The following RARA variants were observed in gnomAD, a reference collection of about 807,000 sequenced individuals.
The protein encoded by RARA is PML-DDX5-RARA fusion.
Under a neutral mutation model 42.8 loss-of-function variants are expected in RARA, and 5 were observed. The observed-to-expected ratio is 0.12, with a 90% CI of 0.06 to 0.25. RARA has a LOEUF of 0.25. Among genes scored for constraint, RARA ranks in the 10% least tolerant of loss-of-function variants. The probability of loss-of-function intolerance (pLI) is 1.00; values close to 1 mark genes in which losing one functional copy is unlikely to be tolerated. For missense variants in RARA, 402 were observed against 628.7 expected (o/e 0.64, Z 3.86); for synonymous variants, 256 against 259.5 (o/e 0.99, Z 0.13).
Position 40,352,586 on chromosome 17 carries a change from C to T in RARA, c.807+79C>T. On this transcript the variant is annotated intron_variant, in intron 6 of 8. Coordinates refer to ENST00000254066, the MANE Select transcript of RARA (RefSeq NM_000964.4). The surrounding 1 kb of genome is among the most constrained non-coding windows in gnomAD (Gnocchi z 4.9). ...TCCTTCCAGCCAGACAGCCACCCTC[C>T]TAAATGTCTGTCTGCAATCAACCTG... 10 of 1,310,634 alleles carry T rather than the reference C, an allele frequency of 7.6e-6. No homozygotes were observed. Among genetic ancestry groups the T allele is most frequent in the Non-Finnish European group, 1.0e-5 (10 of 974,836 alleles). 81.2% of individuals were successfully genotyped at this position (1,310,634 alleles called of 1,614,324 possible).
At chr17:40,341,171 G>A (rs1019032464) in intron 2 of RARA, 2 of 491,806 alleles carry the variant, frequency 4.1e-6, no homozygotes, top group Non-Finnish European at 6.6e-6. Context: ...GGGCTTCTAG[G>A]ATGAAGTAGT....
At chr17:40,342,158 G>GGC in intron 2 of RARA, 2 of 1,029,494 alleles carry the variant, frequency 1.9e-6, no homozygotes, top group South Asian at 4.6e-5. Context: ...GGGTGGGGGG[G>GGC]CCGTGGCGCG....
intron 2 of RARA, among the ~76,000 whole-genome samples, chr17:40,333,611 C>T (rs1598554305): frequency 6.6e-6 from 1 of 150,378 alleles, no homozygotes; most frequent in African/African-American, 2.4e-5. Context: ...GTTGGGATTA[C>T]AGGCATGAGC....
intron 2 of RARA, among the ~76,000 whole-genome samples, chr17:40,346,837 T>C (rs1598575748): frequency 6.6e-6 from 1 of 152,134 alleles, no homozygotes; most frequent in African/African-American, 2.4e-5. Context: ...TGCAGGCTGG[T>C]CTTGGGGCAG....
chr17:40,317,967 G>A (rs1477289801), intron 1 of RARA, among the ~76,000 whole-genome samples: 1 of 152,144 alleles, frequency 6.6e-6, no homozygotes, highest in Non-Finnish European at 1.5e-5. Flanking sequence ...TCTCCACCGA[G>A]CGCTATTTTC....
At chr17:40,340,656 C>T (rs2143366672) in intron 2 of RARA, among the ~76,000 whole-genome samples, 1 of 152,244 alleles carries the variant, frequency 6.6e-6, no homozygotes, top group East Asian at 1.9e-4. Flanking sequence ...TTAGTTAAAC[C>T]TAAATTAGGT....
intron 2 of RARA, 55 bp downstream of exon 2, chr17:40,331,451 T>G (rs907969685): frequency 1.3e-6 from 2 of 1,558,988 alleles, no homozygotes; most frequent in Admixed American, 3.8e-5. Context: ...GTGGCAGGCC[T>G]CAGAGCTTGG....
intron 2 of RARA, among the ~76,000 whole-genome samples, chr17:40,335,976 C>G (rs983951420): frequency 2.0e-5 from 3 of 152,192 alleles, no homozygotes; most frequent in Non-Finnish European, 4.4e-5. Flanking sequence ...GCACTCCAGC[C>G]TGGTGGGTGA....
Position 40,356,294 on chromosome 17 carries a change from T to G in RARA, c.*68T>G. The G allele has an allele frequency of 6.8e-7, 1 of 1,474,584 alleles. No individual in the cohort carries two copies. The highest frequency in any genetic ancestry group is 9.2e-7 in the Non-Finnish European group (1 of 1,082,860). 91.3% of individuals were successfully genotyped at this position (1,474,584 alleles called of 1,614,324 possible). On this transcript the variant is annotated 3_prime_UTR_variant, in exon 9 of 9. Coordinates refer to ENST00000254066, the MANE Select transcript of RARA (RefSeq NM_000964.4). ...CTTTTCTCTGCCTTTCTACCGACCA[T>G]GTGACCCCGCACCAGCCCTGCCCCC... is the stretch of plus-strand genomic sequence containing the variant.
intron 2 of RARA, chr17:40,342,254 C>G (rs2034083862): frequency 8.5e-6 from 9 of 1,058,462 alleles, no homozygotes; most frequent in African/African-American, 1.7e-5. Flanking sequence ...ACCCGGAATC[C>G]TCGCCACGGA....
intron 2 of RARA, chr17:40,341,250 G>C: frequency 8.3e-7 from 1 of 1,205,494 alleles, no homozygotes; most frequent in Non-Finnish European, 1.1e-6. Flanking sequence ...GCCGGTACTG[G>C]TTCCCCAGCT....
Position 40,354,843 on chromosome 17 carries a change from T to G in RARA, c.1012+337T>G, listed in dbSNP as rs566729782. The stretch of plus-strand genomic sequence containing the variant: ...AACGGTCTCTAGCTCATGAAGTTGA[T>G]GGGAGGATTACGGTGGTAACAGATA... On this transcript the variant is annotated intron_variant, in intron 7 of 8. Coordinates refer to ENST00000254066, the MANE Select transcript of RARA (RefSeq NM_000964.4). The surrounding 1 kb of genome is among the most constrained non-coding windows in gnomAD (Gnocchi z 4.5). 1.3e-5 allele frequency among the ~76,000 whole-genome samples: 2 copies of G among 152,292 alleles called. No homozygotes were observed. Among genetic ancestry groups the G allele is most frequent in the South Asian group, 4.1e-4 (2 of 4,826 alleles).
At chr17:40,334,980 T>C (rs1304570605) in intron 2 of RARA, among the ~76,000 whole-genome samples, 1 of 152,146 alleles carries the variant, frequency 6.6e-6, no homozygotes, top group Non-Finnish European at 1.5e-5. Context: ...AACTGGCCCC[T>C]GGGGCTTGGT....
intron 6 of RARA, among the ~76,000 whole-genome samples, chr17:40,353,657 T>C (rs1470967186): frequency 6.6e-6 from 1 of 152,136 alleles, no homozygotes; most frequent in Non-Finnish European, 1.5e-5. Flanking sequence ...GGTTTCACCA[T>C]GTTGGCCAGG....
chr17:40,325,613 G>A (rs1004408142), intron 1 of RARA, among the ~76,000 whole-genome samples: 3 of 152,238 alleles, frequency 2.0e-5, no homozygotes, highest in Non-Finnish European at 4.4e-5. Flanking sequence ...TGGCGGGACA[G>A]GGGTCCAAAG....
intron 1 of RARA, among the ~76,000 whole-genome samples, chr17:40,317,619 G>A (rs796350849): frequency 2.8e-4 from 42 of 152,218 alleles, no homozygotes; most frequent in African/African-American, 9.9e-4. Context: ...GTTGAGCCAG[G>A]GTTCCTAGGA....
Position 40,326,083 on chromosome 17 carries a change from CTCCA to C in RARA, c.-362-4770_-362-4767del, listed in dbSNP as rs1567749159. Among the ~76,000 whole-genome samples the C allele has an allele frequency of 6.6e-6, 1 of 152,228 alleles. No homozygotes were observed. Among genetic ancestry groups the C allele is most frequent in the East Asian group, 1.9e-4 (1 of 5,204 alleles). On this transcript the variant is annotated intron_variant, in intron 1 of 8. Transcript: ENST00000254066. The surrounding 1 kb of genome is among the most constrained non-coding windows in gnomAD (Gnocchi z 5.2). Reference sequence around the variant, plus strand: ...ATATCCCTTTCCCCACATCCCTCTCCTCCATCCGAGGGAAGCAGACCCTGGGAAA... The same window carrying C: ...ATATCCCTTTCCCCACATCCCTCTCCTCCGAGGGAAGCAGACCCTGGGAAA...
In RARA at chr17:40,351,623, CGCG is replaced by C; in HGVS notation, c.470-286_470-284del. 1 of 502,812 alleles carries C rather than the reference CGCG, an allele frequency of 2.0e-6. No homozygotes were observed. Among genetic ancestry groups the C allele is most frequent in the South Asian group, 1.9e-5 (1 of 53,870 alleles). The allele number at this position is 502,812 out of a possible 1,614,324, so 31.1% of individuals were successfully genotyped here. Reference sequence around the variant, plus strand: ...CGCCTGGAGTGTGAGCTGGAGTAGACGCGTGGGGGATAGCATGCGGCTGGCTAT... The same window carrying C: ...CGCCTGGAGTGTGAGCTGGAGTAGACTGGGGGATAGCATGCGGCTGGCTAT... On this transcript the variant is annotated intron_variant, in intron 4 of 8. Transcript: ENST00000254066. The surrounding 1 kb of genome is among the most constrained non-coding windows in gnomAD (Gnocchi z 4.1).
chr17:40,344,504 C>T (rs1279091285), intron 2 of RARA, among the ~76,000 whole-genome samples: 3 of 152,176 alleles, frequency 2.0e-5, no homozygotes, highest in Non-Finnish European at 2.9e-5. Flanking sequence ...AGACCTTGGT[C>T]TCCAGCCCCT....
Sources: gnomAD v4.1 joint callset for allele counts (sites outside exome capture counted in the v4.1 genomes callset) on GRCh38, gnomAD v4.1.1 for gene constraint, Gnocchi (gnomAD v3.1) non-coding constraint, MANE v1.5 for transcripts, NCBI Gene and HGNC (gene_info 2026-07-23, HGNC 2026-07-21) for gene names.